ASXL3: variants seen among roughly 807,000 people sequenced by gnomAD.
ASXL3 encodes the protein putative Polycomb group protein ASXL3.
A neutral mutation model predicts 170.6 loss-of-function variants in ASXL3; 34 were observed. The observed-to-expected ratio is 0.20, with a 90% CI of 0.15 to 0.27. The LOEUF (loss-of-function observed/expected upper bound fraction) is 0.27, where lower values mean the gene tolerates loss of function less well. ASXL3 is among the 10% of genes least tolerant of loss of function. ASXL3 has a pLI of 1.00. For synonymous variants in ASXL3, 1,002 were observed against 989.1 expected, an observed-to-expected ratio of 1.01 and a Z score of -0.24; for missense variants, 2,592 against 2,695.3, an observed-to-expected ratio of 0.96 and a Z score of 0.85.
At chr18:33,586,712 G>C (rs1339201689) in intron 1 of ASXL3, among the ~76,000 whole-genome samples, 1 of 152,066 alleles carries the variant, frequency 6.6e-6, no homozygotes, top group Admixed American at 6.6e-5. Context: ...AGTCTTCTCT[G>C]ATGAGGATGT....
intron 2 of ASXL3, among the ~76,000 whole-genome samples, chr18:33,621,258 G>A (rs1471304968): frequency 6.6e-6 from 1 of 152,152 alleles, no homozygotes; most frequent in African/African-American, 2.4e-5. Context: ...AAGCTTAGAA[G>A]AGGCTGATTA....
intron 2 of ASXL3, among the ~76,000 whole-genome samples, chr18:33,609,733 A>G (rs530888853): frequency 7.8e-4 from 118 of 152,078 alleles, no homozygotes; most frequent in African/African-American, 2.6e-3. Context: ...GTCCTTTGTT[A>G]CAAACACTCA....
At chr18:33,737,227 A>G (rs1305204541) in intron 10 of ASXL3, among the ~76,000 whole-genome samples, 1 of 152,304 alleles carries the variant, frequency 6.6e-6, no homozygotes, top group East Asian at 1.9e-4. Flanking sequence ...AAAGAAGGCT[A>G]TGGCCAAATA....
chr18:33,693,836 G>T (rs1380722136), intron 8 of ASXL3, among the ~76,000 whole-genome samples: 1 of 152,156 alleles, frequency 6.6e-6, no homozygotes, highest in African/African-American at 2.4e-5. Flanking sequence ...GATTTTAGGA[G>T]ACTTGTAAGG....
intron 2 of ASXL3, among the ~76,000 whole-genome samples, chr18:33,622,564 T>C (rs2065531507): frequency 6.6e-6 from 1 of 152,162 alleles, no homozygotes; most frequent in Non-Finnish European, 1.5e-5. Context: ...AAGTTCACTT[T>C]GCATGTTGCA....
In ASXL3 at chr18:33,671,944, A is replaced by G. The variant is rs868654349; in HGVS notation, c.715+78A>G. The stretch of plus-strand genomic sequence containing the variant: ...CAAATAAATTATCTAAAATTTTCAG[A>G]ACATTTTTTAATGATTAAACAAGGA... On this transcript the variant is annotated intron_variant, in intron 7 of 11. Coordinates refer to ENST00000269197, the MANE Select transcript of ASXL3 (RefSeq NM_030632.3). The G allele has an allele frequency of 4.5e-5, 60 of 1,332,554 alleles. No individual in the cohort carries two copies. The Middle Eastern group carries it at 5.6e-3, about 125-fold the overall frequency. 82.5% of individuals were successfully genotyped at this position (1,332,554 alleles called of 1,614,324 possible).
At position 33,744,257 on chromosome 18, in the gene ASXL3, C is replaced by A; in HGVS notation, c.4409C>A (p.Pro1470Gln). Residue 1470 changes from proline to glutamine, a missense_variant, in exon 12 of 12, where the codon CCG (proline) becomes CAG (glutamine). This residue lies in a region of ASXL3 where 2,246 missense variants were observed against 2,219.6 expected (regional missense o/e 1.01). Transcript: ENST00000269197. ...CCAGCAGCCATAAACCGATCAATTC[C>A]GTGTAAAGTCATCGTTGACCACAGC... ...FAPAAINRSIPCKVIVDHSTT... is the reference protein window; with the variant it reads ...FAPAAINRSIQCKVIVDHSTT... The A allele has an allele frequency of 5.6e-6, 9 of 1,613,966 alleles. No homozygotes were observed. Among genetic ancestry groups the A allele is most frequent in the Non-Finnish European group, 5.1e-6 (6 of 1,179,894 alleles).
chr18:33,684,028 C>T (rs8090361), intron 8 of ASXL3, among the ~76,000 whole-genome samples: 3 of 151,936 alleles, frequency 2.0e-5, no homozygotes, highest in Non-Finnish European at 4.4e-5. Context: ...ATATGATTGC[C>T]TATAAATAAT....
intron 8 of ASXL3, among the ~76,000 whole-genome samples, chr18:33,717,857 ACAGCT>A (rs1486986621): frequency 2.0e-5 from 3 of 152,144 alleles, no homozygotes; most frequent in Non-Finnish European, 2.9e-5. Context: ...TGGTTTGTGC[ACAGCT>A]AATTCATTTA....
intron 1 of ASXL3, among the ~76,000 whole-genome samples, chr18:33,581,275 G>C (rs573217510): frequency 1.3e-5 from 2 of 152,124 alleles, no homozygotes; most frequent in South Asian, 2.1e-4. Context: ...TGTTGTTAGG[G>C]ACTTTAGCCT....
At chr18:33,681,199 T>C (rs1482864951) in intron 7 of ASXL3, among the ~76,000 whole-genome samples, 1 of 152,096 alleles carries the variant, frequency 6.6e-6, no homozygotes, top group African/African-American at 2.4e-5. Context: ...ATTTCCACTT[T>C]GTTTGATTCC....
chr18:33,734,141 A>AGCATTTAGCTCTAG (rs1555741115), intron 9 of ASXL3, among the ~76,000 whole-genome samples, 169 bp from the exon 10 acceptor site: 1 of 151,772 alleles, frequency 6.6e-6, no homozygotes, highest in African/African-American at 2.4e-5. Flanking sequence ...ATTTTTATGA[A>AGCATTTAGCTCTAG]CATCTTGAGT....
chr18:33,641,045 G>A (rs1235307034), intron 2 of ASXL3, among the ~76,000 whole-genome samples: 1 of 151,888 alleles, frequency 6.6e-6, no homozygotes, highest in African/African-American at 2.4e-5. Context: ...AGGAATAGTG[G>A]CTCTCAATTA....
At chr18:33,613,210 A>G (rs1034140810) in intron 2 of ASXL3, among the ~76,000 whole-genome samples, 2 of 152,092 alleles carry the variant, frequency 1.3e-5, no homozygotes, top group Non-Finnish European at 2.9e-5. Flanking sequence ...CATCATGGCC[A>G]GATGGTTCTG....
At chr18:33,595,892 A>G (rs2065121944) in intron 1 of ASXL3, among the ~76,000 whole-genome samples, 1 of 152,186 alleles carries the variant, frequency 6.6e-6, no homozygotes, top group South Asian at 2.1e-4. Flanking sequence ...CTGAAGGAAT[A>G]TGACAGGGAT....
chr18:33,690,685 A>G (rs1172879197), intron 8 of ASXL3, among the ~76,000 whole-genome samples: 1 of 152,184 alleles, frequency 6.6e-6, no homozygotes, highest in African/African-American at 2.4e-5. Flanking sequence ...CTTCTCCGAC[A>G]GTGAGAAACC....
rs144986261 is a variant in ASXL3, at chr18:33,633,999, T to C, written c.138-10895T>C. ...AACCATAAAGTTGAATATATGCATA[T>C]ATATGAATGTAAATACAAAAAGATC... is the stretch of plus-strand genomic sequence containing the variant. On this transcript the variant is annotated intron_variant, in intron 2 of 11. Coordinates refer to ENST00000269197, the MANE Select transcript of ASXL3 (RefSeq NM_030632.3). 5.6e-3 allele frequency among the ~76,000 whole-genome samples: 846 copies of C among 152,244 alleles called. 7 individuals carry two copies. The highest frequency in any genetic ancestry group is 0.024 in the Middle Eastern group (7 of 294).
chr18:33,622,925 C>A (rs2065537879), intron 2 of ASXL3, among the ~76,000 whole-genome samples: 2 of 152,110 alleles, frequency 1.3e-5, no homozygotes, highest in Admixed American at 6.6e-5. Flanking sequence ...AACCACCAGC[C>A]TCTGCCAAAT....
Position 33,676,068 on chromosome 18 carries a change from C to A in ASXL3, c.715+4202C>A, listed in dbSNP as rs183506008. ...TGAAACCCCGTCTCTACTAAAACTACAAAAAATTAGCTGGGTATGGTGGCA... is the reference window on the plus strand; with the variant it reads ...TGAAACCCCGTCTCTACTAAAACTAAAAAAAATTAGCTGGGTATGGTGGCA... On this transcript the variant is annotated intron_variant, in intron 7 of 11. Transcript: ENST00000269197. Among the ~76,000 whole-genome samples the A allele has an allele frequency of 3.1e-3, 466 of 151,174 alleles. 3 individuals are homozygous for A. The highest frequency in any genetic ancestry group is 0.011 in the African/African-American group (451 of 41,168).
Sources: gnomAD v4.1 joint callset for allele counts (sites outside exome capture counted in the v4.1 genomes callset) on GRCh38, gnomAD v4.1.1 for gene constraint, gnomAD v4.1.1 regional missense constraint, MANE v1.5 for transcripts, NCBI Gene and HGNC (gene_info 2026-07-23, HGNC 2026-07-21) for gene names.